The following AMZ2 variants were observed in gnomAD, a reference collection of about 807,000 sequenced individuals.
The protein encoded by AMZ2 is archaelysin family metallopeptidase 2.
A neutral mutation model predicts 36.7 loss-of-function variants in AMZ2; 26 were observed. The ratio of observed to expected loss-of-function variants is 0.71; its 90% CI spans 0.52 to 0.98. The LOEUF (loss-of-function observed/expected upper bound fraction) is 0.98. AMZ2 is among the 50% of genes least tolerant of loss of function. The pLI, the probability that AMZ2 is intolerant of heterozygous loss-of-function variation, is 0.00. For missense variants in AMZ2, 394 were observed against 430.5 expected (o/e 0.92, Z 0.75); for synonymous variants, 144 against 149.1 (o/e 0.97, Z 0.25).
intron 2 of AMZ2, 57 bp downstream of exon 2, chr17:68,250,527 G>C (rs782690133): frequency 2.9e-5 from 46 of 1,576,004 alleles, no homozygotes; most frequent in Admixed American, 2.5e-4. Context: ...CTCTTGTCAG[G>C]AATAGTCCAG....
At chr17:68,212,560 A>T (rs1199562184) in intron 1 of AMZ2, among the ~76,000 whole-genome samples, 3 of 151,948 alleles carry the variant, frequency 2.0e-5, no homozygotes, top group East Asian at 3.9e-4. Flanking sequence ...TAATTAAATA[A>T]TTTTTTTTCT....
chr17:68,244,764 T>C (rs1555734844), upstream of AMZ2, among the ~76,000 whole-genome samples: 1 of 152,250 alleles, frequency 6.6e-6, no homozygotes, highest in Non-Finnish European at 1.5e-5. Context: ...TTCTTTTAGC[T>C]AGAAATTATT....
At chr17:68,213,147 C>T (rs1298456811) in intron 1 of AMZ2, among the ~76,000 whole-genome samples, 3 of 152,114 alleles carry the variant, frequency 2.0e-5, no homozygotes, top group African/African-American at 7.2e-5. Context: ...AAAACATACG[C>T]CAGCCGGCTT....
Position 68,254,411 on chromosome 17 carries a change from G to A in AMZ2, c.594G>A (p.Gly198=). ...FGQASLTDGV[G]IFSFARYGSD... ...TTTGTCCTTTTTTTGTAGGTGTGGG[G>A]ATATTCAGCTTTGCCAGGTATGGCA... The change falls in exon 5 of 7, where the codon GGG becomes GGA. Residue 198 remains glycine (G), a synonymous_variant. Coordinates refer to ENST00000359904, the MANE Select transcript of AMZ2 (RefSeq NM_016627.5). The A allele has an allele frequency of 2.5e-6, 4 of 1,611,794 alleles. No homozygotes were observed. The highest frequency in any genetic ancestry group is 2.7e-5 in the African/African-American group (2 of 74,946).
At chr17:68,228,854 C>T (rs1186236075) in intron 1 of AMZ2, among the ~76,000 whole-genome samples, 1 of 152,260 alleles carries the variant, frequency 6.6e-6, no homozygotes, top group Non-Finnish European at 1.5e-5. Flanking sequence ...CAGCCTACAT[C>T]CACAGCGGGA....
At chr17:68,224,823 C>T (rs1213239935) in intron 1 of AMZ2, among the ~76,000 whole-genome samples, 2 of 151,240 alleles carry the variant, frequency 1.3e-5, no homozygotes, top group East Asian at 3.9e-4. Flanking sequence ...CTTCTTTCCT[C>T]TCTATCTATC....
chr17:68,235,582 A>G lies in AMZ2; in HGVS notation c.-66-13058A>G, dbSNP rs1216893000. Among the ~76,000 whole-genome samples, 1 of 151,980 alleles carries G rather than the reference A, an allele frequency of 6.6e-6. No homozygotes were observed. Among genetic ancestry groups the G allele is most frequent in the Non-Finnish European group, 1.5e-5 (1 of 67,964 alleles). ...CCCCCTTACGGAGCCCCTATCCGGGACAGCCTCAATCCCTCAGGGCCCCTC... is the reference window on the plus strand; with the variant it reads ...CCCCCTTACGGAGCCCCTATCCGGGGCAGCCTCAATCCCTCAGGGCCCCTC... On this transcript the variant is annotated intron_variant, in intron 1 of 7. Coordinates refer to the AMZ2 transcript ENST00000674770. This position sits in a 1 kb window ranked among gnomAD's most constrained non-coding sequence, Gnocchi z 4.2.
At chr17:68,246,971 G>GT (rs1184123574), upstream of AMZ2, 2 of 150,190 alleles carry the variant, frequency 1.3e-5, no homozygotes, top group African/African-American at 4.8e-5. Context: ...GGAGACCGGG[G>GT]TGCGGGGGGG....
chr17:68,211,550 G>T (rs1373014854), intron 1 of AMZ2, among the ~76,000 whole-genome samples: 6 of 150,602 alleles, frequency 4.0e-5, no homozygotes, highest in African/African-American at 1.5e-4. Flanking sequence ...AGTGGTGATG[G>T]TTTTACAACC....
chr17:68,222,447 C>T (rs782793167), intron 1 of AMZ2, among the ~76,000 whole-genome samples: 3 of 152,206 alleles, frequency 2.0e-5, no homozygotes, highest in Non-Finnish European at 4.4e-5. Flanking sequence ...GACAATTTTT[C>T]CACGGACCGG....
In AMZ2 at chr17:68,248,269, C is replaced by T. The variant is rs2074159155; in HGVS notation, c.-437C>T. 3 of 985,748 alleles carry T rather than the reference C, an allele frequency of 3.0e-6. No individual in the cohort carries two copies. Among genetic ancestry groups the T allele is most frequent in the Admixed American group, 6.1e-5 (1 of 16,270 alleles). The allele number at this position is 985,748 out of a possible 1,614,324, so 61.1% of individuals were successfully genotyped here. A position where few individuals can be genotyped will look rare whatever the true frequency, so the allele number is the denominator to read the frequency against. On this transcript the variant is annotated 5_prime_UTR_variant, in exon 1 of 7. Transcript: ENST00000359904. ...CGCGGGGTCCGCGGGGTCGGTGCCTCTAGGGAGCCAGGGAGGCCTTTCCCG... is the reference window on the plus strand; with the variant it reads ...CGCGGGGTCCGCGGGGTCGGTGCCTTTAGGGAGCCAGGGAGGCCTTTCCCG...
chr17:68,229,942 G>T (rs781989587), intron 1 of AMZ2, among the ~76,000 whole-genome samples: 6 of 152,204 alleles, frequency 3.9e-5, no homozygotes, highest in Non-Finnish European at 8.8e-5. Context: ...GGAAAGTAAG[G>T]CCCGTTACCT....
chr17:68,250,484 A>G lies in AMZ2; in HGVS notation c.283+14A>G. On this transcript the variant is annotated intron_variant, in intron 2 of 6. Coordinates refer to ENST00000359904, the MANE Select transcript of AMZ2 (RefSeq NM_016627.5). ...TACAGTCCATTGGTAAATACTGGTA[A>G]TGTGCTGGTTTTGGTTCAGTTTTGC... The G allele has an allele frequency of 6.2e-7, 1 of 1,610,956 alleles. No homozygotes were observed. The highest frequency in any genetic ancestry group is 8.5e-7 in the Non-Finnish European group (1 of 1,178,002).
At chr17:68,217,374 G>A (rs1243855498) in intron 1 of AMZ2, among the ~76,000 whole-genome samples, 7 of 152,200 alleles carry the variant, frequency 4.6e-5, no homozygotes, top group Non-Finnish European at 5.9e-5. Flanking sequence ...AGCTATAGTC[G>A]TCATTCAAAT....
Position 68,221,933 on chromosome 17 carries a change from G to A in AMZ2, c.-67+15695G>A, listed in dbSNP as rs1355818497. ...AGAAGCAGAATGACACGACCTCAGC[G>A]GTATTACAGTAATCCCAGTGAGGGT... is the stretch of plus-strand genomic sequence containing the variant. On this transcript the variant is annotated intron_variant, in intron 1 of 7. Transcript: ENST00000674770. Among the ~76,000 whole-genome samples the A allele has an allele frequency of 7.2e-5, 11 of 152,274 alleles. No homozygotes were observed. In the East Asian group the frequency reaches 1.4e-3, roughly 19 times the overall value.
chr17:68,224,567 A>T (rs1392166501), intron 1 of AMZ2, among the ~76,000 whole-genome samples: 1 of 145,226 alleles, frequency 6.9e-6, no homozygotes, highest in Non-Finnish European at 1.5e-5. Flanking sequence ...TTCCCTAGAG[A>T]CAGGGTCTCA....
intron 1 of AMZ2, among the ~76,000 whole-genome samples, chr17:68,237,011 T>G (rs1262579470): frequency 6.6e-6 from 1 of 152,204 alleles, no homozygotes; most frequent in Non-Finnish European, 1.5e-5. Flanking sequence ...ATAATACGCA[T>G]AGCATGAGAT....
Position 68,216,375 on chromosome 17 carries a change from C to T in AMZ2, c.-67+10137C>T, listed in dbSNP as rs575592533. Among the ~76,000 whole-genome samples the T allele has an allele frequency of 4.6e-5, 7 of 152,280 alleles. No homozygotes were observed. The South Asian group carries it at 8.3e-4, about 18-fold the overall frequency. The stretch of plus-strand genomic sequence containing the variant: ...TCTCGAACTCCTGGGTTCAAGCAAT[C>T]CTCCCACCGCAGCCTCCCAAAGTGA... On this transcript the variant is annotated intron_variant, in intron 1 of 7. Transcript: ENST00000674770.
chr17:68,221,173 C>A (rs576016036), intron 1 of AMZ2, among the ~76,000 whole-genome samples: 23 of 147,756 alleles, frequency 1.6e-4, no homozygotes, highest in African/African-American at 5.3e-4. Flanking sequence ...GCCTTGACCT[C>A]CTGGGTCAAG....
Sources: allele counts gnomAD v4.1 joint callset (sites outside exome capture counted in the v4.1 genomes callset), GRCh38; gene constraint gnomAD v4.1.1; non-coding constraint Gnocchi (gnomAD v3.1); transcripts MANE v1.5; gene names NCBI Gene and HGNC (gene_info 2026-07-23, HGNC 2026-07-21).